The following CIMAP1D variants were observed in gnomAD, a reference collection of about 807,000 sequenced individuals.
CIMAP1D encodes the protein protein CIMAP1D.
the CIMAP1D span, among the ~76,000 whole-genome samples, chr19:482,222 A>T: frequency 1.3e-5 from 2 of 152,216 alleles, no homozygotes; most frequent in South Asian, 4.1e-4. Flanking sequence ...TCTTCTTTTA[A>T]TGCTGTCCTC....
the CIMAP1D span, among the ~76,000 whole-genome samples, chr19:486,420 C>CTGATTGATTGAT: frequency 6.6e-5 from 10 of 151,892 alleles, no homozygotes; most frequent in South Asian, 4.2e-4. Flanking sequence ...CCTTGGACCA[C>CTGATTGATTGAT]TGATTGATTG....
chr19:490,879 A>C, the CIMAP1D span, among the ~76,000 whole-genome samples: 1 of 152,240 alleles, frequency 6.6e-6, no homozygotes, highest in African/African-American at 2.4e-5. Context: ...CGGGCGGATC[A>C]CCTGAGGTCA....
At chr19:464,318 C>T in the CIMAP1D span, 2 of 1,538,746 alleles carry the variant, frequency 1.3e-6, no homozygotes, top group Non-Finnish European at 1.7e-6. Context: ...GCACAGGGGG[C>T]ACCTTCTCTG....
the CIMAP1D span, among the ~76,000 whole-genome samples, chr19:485,471 G>C: frequency 6.6e-6 from 1 of 152,196 alleles, no homozygotes; most frequent in African/African-American, 2.4e-5. Flanking sequence ...GCCGATCCAA[G>C]TCCCACCGTT....
At chr19:480,872 A>AACAATGATGGAG in the CIMAP1D span, among the ~76,000 whole-genome samples, 16 of 53,068 alleles carry the variant, frequency 3.0e-4, no homozygotes, top group African/African-American at 1.7e-3. Flanking sequence ...CGATGATGGA[A>AACAATGATGGAG]AACGATGATG....
chr19:482,523 A>G, the CIMAP1D span, among the ~76,000 whole-genome samples: 1 of 152,192 alleles, frequency 6.6e-6, no homozygotes, highest in South Asian at 2.1e-4. Context: ...CTCAAATGTC[A>G]ATGGTGTCAA....
the CIMAP1D span, among the ~76,000 whole-genome samples, chr19:470,536 C>T: frequency 6.6e-6 from 1 of 152,194 alleles, no homozygotes; most frequent in Non-Finnish European, 1.5e-5. Flanking sequence ...TAAGCCAGTC[C>T]TGGGGACAGG....
At chr19:489,511 G>A in the CIMAP1D span, 2 of 152,374 alleles carry the variant, frequency 1.3e-5, no homozygotes, top group Admixed American at 6.6e-5. Flanking sequence ...CCCCGGACCC[G>A]CTCTCCGTCC....
the CIMAP1D span, among the ~76,000 whole-genome samples, chr19:483,363 G>T: frequency 6.6e-6 from 1 of 151,488 alleles, no homozygotes; most frequent in Non-Finnish European, 1.5e-5. Context: ...ACCATGGGAA[G>T]CCCTACAGAC....
At chr19:472,463 C>T in the CIMAP1D span, 1 of 1,547,172 alleles carries the variant, frequency 6.5e-7, no homozygotes, top group East Asian at 2.5e-5. Flanking sequence ...TTGATGAAGC[C>T]CACGGTGGAC....
chr19:475,407 A>G, the CIMAP1D span, among the ~76,000 whole-genome samples: 1 of 152,216 alleles, frequency 6.6e-6, no homozygotes, highest in African/African-American at 2.4e-5. Context: ...AGTAAATGTG[A>G]TAAGTGAACA....
At chr19:471,312 C>T in the CIMAP1D span, among the ~76,000 whole-genome samples, 1 of 152,004 alleles carries the variant, frequency 6.6e-6, no homozygotes, top group African/African-American at 2.4e-5. Context: ...CCACGCCCGG[C>T]TAATTTTTTG....
the CIMAP1D span, among the ~76,000 whole-genome samples, chr19:473,207 G>A: frequency 2.3e-3 from 59 of 26,118 alleles, no homozygotes; most frequent in African/African-American, 3.2e-3. Context: ...CAGATGGGGA[G>A]ACTGAGGCCT....
At chr19:464,392 A>T in the CIMAP1D span, 1 of 1,364,872 alleles carries the variant, frequency 7.3e-7, no homozygotes, top group Non-Finnish European at 1.0e-6. Context: ...GAAAGGTGGC[A>T]CTGATGTCCT....
chr19:472,475 G>A, the CIMAP1D span: 1 of 1,545,888 alleles, frequency 6.5e-7, no homozygotes, highest in East Asian at 2.5e-5. Flanking sequence ...ACGGTGGACG[G>A]CAGGACATAC....
At chr19:467,731 G>A in the CIMAP1D span, 1 of 1,609,552 alleles carries the variant, frequency 6.2e-7, no homozygotes, top group Non-Finnish European at 8.5e-7. Context: ...CCAAGAAGTA[G>A]ATGGGGCCCG....
chr19:490,508 G>A, the CIMAP1D span, among the ~76,000 whole-genome samples: 1 of 152,266 alleles, frequency 6.6e-6, no homozygotes. Flanking sequence ...AGCCCAGTGT[G>A]TATTTTGCAC....
At chr19:478,770 C>T in the CIMAP1D span, among the ~76,000 whole-genome samples, 264 of 152,394 alleles carry the variant, frequency 1.7e-3, 1 homozygote, top group Non-Finnish European at 3.2e-3. Flanking sequence ...GCCCAGCTGC[C>T]GGCTGCAGGC....
At chr19:465,911 G>T in the CIMAP1D span, among the ~76,000 whole-genome samples, 10 of 145,850 alleles carry the variant, frequency 6.9e-5, no homozygotes, top group Admixed American at 1.4e-4. Context: ...TGGGTGGATA[G>T]ATGGATGAGT....
Sources: gnomAD v4.1 joint callset for allele counts (sites outside exome capture counted in the v4.1 genomes callset) on GRCh38, gnomAD v4.1.1 for gene constraint, MANE v1.5 for transcripts, NCBI Gene and HGNC (gene_info 2026-07-23, HGNC 2026-07-21) for gene names.